Variants in FMNL2 observed in about 807,000 individuals in gnomAD.
The protein encoded by FMNL2 is formin-like protein 2.
A neutral mutation model predicts 130.2 loss-of-function variants in FMNL2; 51 were observed. The ratio of observed to expected loss-of-function variants is 0.39; its 90% CI spans 0.31 to 0.49. FMNL2 has a LOEUF of 0.49. Ranked by LOEUF, FMNL2 falls within the 20% of genes least tolerant of loss-of-function variation. FMNL2 has a pLI of 0.85. For synonymous variants in FMNL2, 465 were observed against 467.1 expected, an observed-to-expected ratio of 1.00 and a Z score of 0.06; for missense variants, 977 against 1,316.2, an observed-to-expected ratio of 0.74 and a Z score of 3.99.
chr2:152,569,543 G>A (rs1418589868), intron 6 of FMNL2, among the ~76,000 whole-genome samples: 2 of 151,776 alleles, frequency 1.3e-5, no homozygotes, highest in African/African-American at 2.4e-5. Context: ...TTAGCCGGGC[G>A]TGGTGGTGCC....
chr2:152,378,988 A>G (rs1287422537), intron 1 of FMNL2, among the ~76,000 whole-genome samples: 1 of 87,848 alleles, frequency 1.1e-5, no homozygotes, highest in African/African-American at 4.4e-5. Flanking sequence ...ACCAGCTGCA[A>G]AAAAAAAAAA....
chr2:152,581,107 T>C, intron 9 of FMNL2, 58 bp downstream of exon 9: 1 of 1,463,722 alleles, frequency 6.8e-7, no homozygotes, highest in South Asian at 1.2e-5. Context: ...TGGACATCTT[T>C]GAACGGAATT....
In FMNL2 at chr2:152,648,805, C is replaced by CTTA. The variant is rs10645049; in HGVS notation, c.*903_*905dup. 1.8e-4 allele frequency: 28 copies of CTTA among 152,568 alleles called. No individual in the cohort carries two copies. Among genetic ancestry groups the CTTA allele is most frequent in the African/African-American group, 5.8e-4 (24 of 41,444 alleles). The allele number at this position is 152,568 out of a possible 1,614,324, so 9.5% of individuals were successfully genotyped here. A position where few individuals can be genotyped will look rare whatever the true frequency, so the allele number is the denominator to read the frequency against. On this transcript the variant is annotated 3_prime_UTR_variant, in exon 26 of 26. Coordinates refer to ENST00000288670, the MANE Select transcript of FMNL2 (RefSeq NM_052905.4). The stretch of plus-strand genomic sequence containing the variant: ...TCTCCTCTGACAATCGCAATTTTTT[C>CTTA]TTATTTTTTATAAATTCAAGAAGAT...
At chr2:152,376,499 A>T (rs975088268) in intron 1 of FMNL2, among the ~76,000 whole-genome samples, 1 of 152,160 alleles carries the variant, frequency 6.6e-6, no homozygotes, top group Non-Finnish European at 1.5e-5. Context: ...AAGGAGTTGG[A>T]TGGACTCATT....
chr2:152,583,915 T>C (rs1288595711), intron 9 of FMNL2, among the ~76,000 whole-genome samples: 1 of 152,210 alleles, frequency 6.6e-6, no homozygotes, highest in African/African-American at 2.4e-5. Context: ...ATTATTATCC[T>C]AATAGCCATG....
At chr2:152,478,242 A>ATTT (rs1322079596) in intron 1 of FMNL2, among the ~76,000 whole-genome samples, 11 of 33,680 alleles carry the variant, frequency 3.3e-4, no homozygotes, top group African/African-American at 7.3e-4. Context: ...ATATATATAT[A>ATTT]TATATATATT....
chr2:152,387,275 A>G (rs1455452430), intron 1 of FMNL2, among the ~76,000 whole-genome samples: 1 of 152,160 alleles, frequency 6.6e-6, no homozygotes, highest in Non-Finnish European at 1.5e-5. Flanking sequence ...TGTTATCCCT[A>G]TTGGATGAGT....
At chr2:152,423,338 TAGAG>T (rs1254552439) in intron 1 of FMNL2, among the ~76,000 whole-genome samples, 1 of 152,152 alleles carries the variant, frequency 6.6e-6, no homozygotes, top group Non-Finnish European at 1.5e-5. Flanking sequence ...ATTTTACAGA[TAGAG>T]AAACAGAAGC....
Position 152,521,932 on chromosome 2 carries a change from T to A in FMNL2, c.118-11T>A. On this transcript the variant is annotated splice_polypyrimidine_tract_variant and intron_variant, in intron 1 of 25. Transcript: ENST00000288670. ...TGTGACATCTTTTCTCTCTTTATTTTTTTTAAACAGAATGCTATGAACCTA... is the reference window on the plus strand; with the variant it reads ...TGTGACATCTTTTCTCTCTTTATTTATTTTAAACAGAATGCTATGAACCTA... 1 of 1,608,990 alleles carries A rather than the reference T, an allele frequency of 6.2e-7. No individual in the cohort carries two copies. The highest frequency in any genetic ancestry group is 2.2e-5 in the East Asian group (1 of 44,800).
chr2:152,492,398 CT>C (rs1424128822), intron 1 of FMNL2, among the ~76,000 whole-genome samples: 1 of 152,158 alleles, frequency 6.6e-6, no homozygotes, highest in Non-Finnish European at 1.5e-5. Context: ...TTCTGTAATG[CT>C]TTTCGGCAAG....
chr2:152,406,748 CG>C (rs1208351831), intron 1 of FMNL2, among the ~76,000 whole-genome samples: 7 of 152,096 alleles, frequency 4.6e-5, no homozygotes, highest in Non-Finnish European at 7.3e-5. Flanking sequence ...CCAGGCACCA[CG>C]TACTGTTCCA....
intron 6 of FMNL2, among the ~76,000 whole-genome samples, chr2:152,561,308 T>C (rs1445583274): frequency 6.6e-6 from 1 of 152,130 alleles, no homozygotes; most frequent in Non-Finnish European, 1.5e-5. Flanking sequence ...GATAGTCTCA[T>C]AGGCAGATAA....
chr2:152,540,220 A>C (rs1694234106), intron 2 of FMNL2, among the ~76,000 whole-genome samples: 2 of 152,164 alleles, frequency 1.3e-5, no homozygotes, highest in Admixed American at 6.5e-5. Context: ...TAGATAGCTC[A>C]TCAGTTCATT....
intron 1 of FMNL2, among the ~76,000 whole-genome samples, chr2:152,492,098 T>C (rs560865551): frequency 6.6e-6 from 1 of 152,346 alleles, no homozygotes; most frequent in Admixed American, 6.5e-5. Context: ...ATTGTTCCAG[T>C]GGAAGGAGTT....
Position 152,413,993 on chromosome 2 carries a change from G to A in FMNL2, c.117+78273G>A, listed in dbSNP as rs77464940. On this transcript the variant is annotated intron_variant, in intron 1 of 25. Transcript: ENST00000288670. The stretch of plus-strand genomic sequence containing the variant: ...CATTTAAAAAGGATTTTTGTTTTTA[G>A]GTTATTTTATTTGGAGTAATGCATC... Among the ~76,000 whole-genome samples, 1,378 of 152,190 alleles carry A rather than the reference G, an allele frequency of 9.1e-3. 30 individuals carry two copies. The highest frequency in any genetic ancestry group is 0.032 in the African/African-American group (1,324 of 41,528).
At chr2:152,368,151 CA>C (rs1347057134) in intron 1 of FMNL2, among the ~76,000 whole-genome samples, 10 of 152,148 alleles carry the variant, frequency 6.6e-5, no homozygotes, top group African/African-American at 2.2e-4. Context: ...AACATCTGGT[CA>C]CCATCTTTCA....
chr2:152,485,253 G>A (rs962967426), intron 1 of FMNL2, among the ~76,000 whole-genome samples: 1 of 152,200 alleles, frequency 6.6e-6, no homozygotes, highest in Non-Finnish European at 1.5e-5. Context: ...AGCACTTTGG[G>A]AGGCCAAGGC....
In FMNL2 at chr2:152,549,035, T is replaced by C; in HGVS notation, c.297T>C (p.Arg99=). 1.9e-6 allele frequency: 3 copies of C among 1,604,804 alleles called. No homozygotes were observed. The highest frequency in any genetic ancestry group is 2.6e-6 in the Non-Finnish European group (3 of 1,176,354). ...PAVTRKKFRR[R]VQESTQVLRE... is the part of the protein sequence containing the mutation. ...TTGAATTATAGAAATTCAGACGGCG[T>C]GTTCAAGAATCTACACAAGTGCTAA... Residue 99 remains arginine (R), a synonymous_variant, in exon 4 of 26, where the codon CGT becomes CGC. Coordinates refer to ENST00000288670, the MANE Select transcript of FMNL2 (RefSeq NM_052905.4).
chr2:152,546,990 G>A (rs956422674), intron 3 of FMNL2, among the ~76,000 whole-genome samples: 5 of 142,616 alleles, frequency 3.5e-5, no homozygotes, highest in African/African-American at 1.1e-4. Flanking sequence ...CTGTCACCCC[G>A]GATGGAGTGC....
Sources: allele counts gnomAD v4.1 joint callset (sites outside exome capture counted in the v4.1 genomes callset), GRCh38; gene constraint gnomAD v4.1.1; transcripts MANE v1.5; gene names NCBI Gene and HGNC (gene_info 2026-07-23, HGNC 2026-07-21).